The following ARSB variants were observed in gnomAD, a reference collection of about 807,000 sequenced individuals.
ARSB encodes N-acetylgalactosamine-4-sulfatase.
ARSB carries 41 observed loss-of-function variants against 50.9 expected under a neutral mutation model. The observed-to-expected ratio is 0.81, with a 90% confidence interval of 0.63 to 1.04. ARSB has a LOEUF of 1.04. Ranked by LOEUF, ARSB falls within the 50% of genes least tolerant of loss-of-function variation. The probability of loss-of-function intolerance (pLI) is 0.00; values close to 1 mark genes in which losing one functional copy is unlikely to be tolerated. For missense variants in ARSB, 672 were observed against 693.3 expected (o/e 0.97, Z 0.35); for synonymous variants, 269 against 284.8 (o/e 0.94, Z 0.56).
At chr5:78,794,673 A>T (rs765938173) in intron 6 of ARSB, among the ~76,000 whole-genome samples, 24 of 152,200 alleles carry the variant, frequency 1.6e-4, no homozygotes, top group Admixed American at 5.2e-4. Context: ...AGTATTTACA[A>T]GCCAATTTTT....
chr5:78,889,207 C>G (rs1343683892), intron 4 of ARSB, among the ~76,000 whole-genome samples: 1 of 152,146 alleles, frequency 6.6e-6, no homozygotes, highest in East Asian at 1.9e-4. Context: ...GGAGTAGCAA[C>G]AAGAATAAAA....
chr5:78,944,177 A>T (rs1751089743), intron 4 of ARSB, among the ~76,000 whole-genome samples: 1 of 152,100 alleles, frequency 6.6e-6, no homozygotes, highest in African/African-American at 2.4e-5. Context: ...TTAGCCATTC[A>T]TCTAATCTTT....
chr5:78,853,672 C>G (rs941925053), intron 5 of ARSB, among the ~76,000 whole-genome samples: 7 of 152,364 alleles, frequency 4.6e-5, no homozygotes, highest in African/African-American at 7.2e-5. Context: ...GTGGAGCCTA[C>G]AGAGGCAGGC....
At chr5:78,891,941 CT>C (rs1748313544) in intron 4 of ARSB, among the ~76,000 whole-genome samples, 1 of 152,118 alleles carries the variant, frequency 6.6e-6, no homozygotes, top group African/African-American at 2.4e-5. Flanking sequence ...CTGAGAGGAG[CT>C]AAGCACTGTG....
chr5:78,823,903 T>G (rs1302820683), intron 6 of ARSB, among the ~76,000 whole-genome samples: 2 of 152,252 alleles, frequency 1.3e-5, no homozygotes, highest in Non-Finnish European at 2.9e-5. Context: ...TGATATAATT[T>G]GGATATCTGT....
At chr5:78,781,819 G>A (rs202130108) in intron 7 of ARSB, 33 bp downstream of exon 7, 115 of 1,613,676 alleles carry the variant, frequency 7.1e-5, no homozygotes, top group Non-Finnish European at 9.3e-5. Flanking sequence ...TGTCTACCAC[G>A]GGAAGGGAAG....
At chr5:78,885,477 G>A (rs1243675993) in intron 5 of ARSB, 107 bp downstream of exon 5, 6 of 1,482,656 alleles carry the variant, frequency 4.0e-6, no homozygotes, top group Non-Finnish European at 5.5e-6. Context: ...TCATGTATTT[G>A]TAAGCTGAAC....
intron 4 of ARSB, among the ~76,000 whole-genome samples, chr5:78,923,699 A>C (rs1183597200): frequency 6.6e-6 from 1 of 152,234 alleles, no homozygotes. Context: ...TAAGAATTTC[A>C]GTAAGATTTA....
At chr5:78,792,823 C>CA (rs59307533) in intron 6 of ARSB, among the ~76,000 whole-genome samples, 13,949 of 152,144 alleles carry the variant, frequency 0.092, 1,440 homozygotes, top group African/African-American at 0.24. Context: ...TGACAGCTGT[C>CA]AAGTCAAGGT....
intron 5 of ARSB, among the ~76,000 whole-genome samples, chr5:78,863,348 G>A (rs922157812): frequency 2.0e-5 from 3 of 152,098 alleles, no homozygotes; most frequent in African/African-American, 7.2e-5. Context: ...CGAAGACTTG[G>A]AATCAACTCA....
chr5:78,970,309 T>A (rs1031816884), intron 1 of ARSB, among the ~76,000 whole-genome samples: 1 of 152,196 alleles, frequency 6.6e-6, no homozygotes, highest in Non-Finnish European at 1.5e-5. Context: ...AGAAAAGATG[T>A]ACAAAAAATA....
chr5:78,928,305 C>CTTTTTTTTTT (rs34737292), intron 4 of ARSB, among the ~76,000 whole-genome samples: 2 of 72,574 alleles, frequency 2.8e-5, no homozygotes, highest in Non-Finnish European at 5.2e-5. Flanking sequence ...TTTGCTTTTG[C>CTTTTTTTTTT]TTTTTTTTTT....
At chr5:78,837,551 ACT>A (rs1441391673) in intron 6 of ARSB, among the ~76,000 whole-genome samples, 1 of 152,208 alleles carries the variant, frequency 6.6e-6, no homozygotes, top group Admixed American at 6.5e-5. Context: ...AATGCAAGTC[ACT>A]TATGTAAGTT....
chr5:78,843,492 T>C (rs1237953978), intron 5 of ARSB, among the ~76,000 whole-genome samples: 12 of 152,232 alleles, frequency 7.9e-5, no homozygotes, highest in Admixed American at 7.9e-4. Flanking sequence ...CCCAGGAGAC[T>C]GAGTTCTGAG....
chr5:78,968,544 T>C (rs188990104), intron 2 of ARSB, among the ~76,000 whole-genome samples: 70 of 151,938 alleles, frequency 4.6e-4, no homozygotes, highest in African/African-American at 1.7e-3. Flanking sequence ...AGAGACAGAG[T>C]TTCACCGTGT....
At chr5:78,907,083 C>T (rs1420609528) in intron 4 of ARSB, among the ~76,000 whole-genome samples, 1 of 151,412 alleles carries the variant, frequency 6.6e-6, no homozygotes, top group Non-Finnish European at 1.5e-5. Flanking sequence ...CTGTACACAA[C>T]TAAGGGCAAA....
intron 3 of ARSB, among the ~76,000 whole-genome samples, chr5:78,962,718 C>T (rs982474701): frequency 2.6e-5 from 4 of 151,784 alleles, no homozygotes; most frequent in Non-Finnish European, 4.4e-5. Context: ...TTAGTAGAGA[C>T]GGGGTTTCTA....
At chr5:78,920,640 G>T (rs1437409697) in intron 4 of ARSB, among the ~76,000 whole-genome samples, 2 of 150,832 alleles carry the variant, frequency 1.3e-5, no homozygotes, top group Non-Finnish European at 2.9e-5. Context: ...CACCACAGGG[G>T]ATGGGGTGAG....
At chr5:78,868,617 G>A (rs1298629181) in intron 5 of ARSB, among the ~76,000 whole-genome samples, 81 of 148,468 alleles carry the variant, frequency 5.5e-4, no homozygotes, top group African/African-American at 1.8e-3. Context: ...AATGCTGACC[G>A]ATTTTGTCAC....
Sources: gnomAD v4.1 joint callset for allele counts (sites outside exome capture counted in the v4.1 genomes callset) on GRCh38, gnomAD v4.1.1 for gene constraint, MANE v1.5 for transcripts, NCBI Gene and HGNC (gene_info 2026-07-23, HGNC 2026-07-21) for gene names.